Variants in GALNT13 observed in about 807,000 individuals in gnomAD.
GALNT13 encodes polypeptide N-acetylgalactosaminyltransferase 13.
A neutral mutation model predicts 64.2 loss-of-function variants in GALNT13; 28 were observed. That is an observed-to-expected ratio of 0.44 (90% CI 0.32 to 0.60). The LOEUF is 0.60. Ranked by LOEUF, GALNT13 falls within the 20% of genes least tolerant of loss-of-function variation. GALNT13 has a pLI of 0.05. For missense variants in GALNT13, 577 were observed against 669.8 expected, an observed-to-expected ratio of 0.86 and a Z score of 1.53; for synonymous variants, 214 against 224.6, an observed-to-expected ratio of 0.95 and a Z score of 0.42.
the GALNT13 span, among the ~76,000 whole-genome samples, chr2:153,386,212 C>T: frequency 6.6e-6 from 1 of 151,958 alleles, no homozygotes; most frequent in Non-Finnish European, 1.5e-5. Flanking sequence ...AGAAGAAAAT[C>T]AATCTTAAAC....
intron 1 of GALNT13, among the ~76,000 whole-genome samples, chr2:153,894,309 G>A (rs1257095794): frequency 6.6e-6 from 1 of 152,124 alleles, no homozygotes; most frequent in African/African-American, 2.4e-5. Flanking sequence ...ATGGATGATA[G>A]AGTATTCAGT....
the GALNT13 span, among the ~76,000 whole-genome samples, chr2:153,344,802 C>T: frequency 6.6e-6 from 1 of 152,134 alleles, no homozygotes; most frequent in Non-Finnish European, 1.5e-5. Context: ...TATTAATTAG[C>T]TCAATTGTGA....
intron 12 of GALNT13, among the ~76,000 whole-genome samples, chr2:154,447,995 C>T (rs1006220380): frequency 6.6e-6 from 1 of 151,932 alleles, no homozygotes; most frequent in African/African-American, 2.4e-5. Flanking sequence ...GAGCAGTTCC[C>T]TTAGCAGTTC....
the GALNT13 span, among the ~76,000 whole-genome samples, chr2:153,854,456 C>A: frequency 6.6e-6 from 1 of 151,796 alleles, no homozygotes; most frequent in Non-Finnish European, 1.5e-5. Flanking sequence ...GGGTGCACAC[C>A]TGTAATCCCA....
chr2:153,514,357 T>C, the GALNT13 span, among the ~76,000 whole-genome samples: 1 of 152,234 alleles, frequency 6.6e-6, no homozygotes, highest in Non-Finnish European at 1.5e-5. Context: ...TTCATTTTGC[T>C]CATATTTTTC....
chr2:153,937,298 C>T (rs1691006894), intron 2 of GALNT13, among the ~76,000 whole-genome samples: 1 of 151,864 alleles, frequency 6.6e-6, no homozygotes, highest in Non-Finnish European at 1.5e-5. Flanking sequence ...TATTATTTGG[C>T]AATAAAAAGA....
the GALNT13 span, among the ~76,000 whole-genome samples, chr2:153,638,020 C>T: frequency 6.6e-6 from 1 of 150,474 alleles, no homozygotes; most frequent in East Asian, 1.9e-4. Flanking sequence ...TGTAGGTGGA[C>T]AAGGAGGTCT....
chr2:153,789,784 T>G, the GALNT13 span, among the ~76,000 whole-genome samples: 1 of 152,096 alleles, frequency 6.6e-6, no homozygotes, highest in Non-Finnish European at 1.5e-5. Flanking sequence ...CACATAACAA[T>G]TATAGGCTGA....
chr2:154,053,152 T>C (rs1179995775), intron 3 of GALNT13, among the ~76,000 whole-genome samples: 1 of 152,206 alleles, frequency 6.6e-6, no homozygotes, highest in East Asian at 1.9e-4. Flanking sequence ...TAAAGATATC[T>C]GACAAACAAC....
chr2:154,409,867 A>G (rs1373156106), intron 11 of GALNT13, among the ~76,000 whole-genome samples: 1 of 151,902 alleles, frequency 6.6e-6, no homozygotes, highest in African/African-American at 2.4e-5. Context: ...CAGCACAATT[A>G]TGGTTATATT....
the GALNT13 span, among the ~76,000 whole-genome samples, chr2:153,395,911 T>A: frequency 2.0e-5 from 3 of 152,072 alleles, no homozygotes; most frequent in African/African-American, 7.2e-5. Flanking sequence ...TGACCAGGGG[T>A]CAGCAAACAT....
the GALNT13 span, among the ~76,000 whole-genome samples, chr2:153,095,489 A>G: frequency 6.6e-6 from 1 of 152,244 alleles, no homozygotes; most frequent in Non-Finnish European, 1.5e-5. Context: ...CAATTCCTCA[A>G]GGATCTAGGA....
At chr2:154,197,375 A>C (rs1024433185) in intron 4 of GALNT13, among the ~76,000 whole-genome samples, 2 of 152,182 alleles carry the variant, frequency 1.3e-5, no homozygotes, top group Non-Finnish European at 2.9e-5. Context: ...AGAAGCCCAA[A>C]GAAGCCTAGG....
chr2:154,207,745 A>G (rs1687542064), intron 4 of GALNT13, among the ~76,000 whole-genome samples: 1 of 152,180 alleles, frequency 6.6e-6, no homozygotes, highest in Non-Finnish European at 1.5e-5. Flanking sequence ...CAAGCTTGAG[A>G]CCAGAAGTCT....
chr2:153,167,250 G>T, the GALNT13 span, among the ~76,000 whole-genome samples: 1 of 152,170 alleles, frequency 6.6e-6, no homozygotes, highest in Admixed American at 6.5e-5. Context: ...CAACAGAAGG[G>T]TCATACATTT....
the GALNT13 span, among the ~76,000 whole-genome samples, chr2:153,514,778 C>T: frequency 6.6e-6 from 1 of 152,164 alleles, no homozygotes; most frequent in South Asian, 2.1e-4. Flanking sequence ...GCTGCTTCCT[C>T]CATGCTTTTG....
At chr2:154,131,767 G>T (rs1022105175) in intron 3 of GALNT13, among the ~76,000 whole-genome samples, 6 of 152,196 alleles carry the variant, frequency 3.9e-5, no homozygotes, top group Non-Finnish European at 8.8e-5. Context: ...TGATCAGAAG[G>T]TGAAGTCCCA....
the GALNT13 span, among the ~76,000 whole-genome samples, chr2:153,737,250 T>A: frequency 6.6e-6 from 1 of 152,170 alleles, no homozygotes; most frequent in African/African-American, 2.4e-5. Flanking sequence ...ACCTAAGAGG[T>A]CCTTATGAAA....
At chr2:153,384,109 A>G in the GALNT13 span, among the ~76,000 whole-genome samples, 2 of 152,164 alleles carry the variant, frequency 1.3e-5, no homozygotes, top group African/African-American at 2.4e-5. Flanking sequence ...TGAGAAGGGA[A>G]AAGTGTCAAA....
Sources: allele counts gnomAD v4.1 joint callset (sites outside exome capture counted in the v4.1 genomes callset), GRCh38; gene constraint gnomAD v4.1.1; transcripts MANE v1.5; gene names NCBI Gene and HGNC (gene_info 2026-07-23, HGNC 2026-07-21).